Variants in TSPAN9 observed in about 807,000 individuals in gnomAD.
TSPAN9 encodes the protein tetraspanin-9.
TSPAN9 carries 16 observed loss-of-function variants against 31.0 expected under a neutral mutation model. The ratio of observed to expected loss-of-function variants is 0.52; its 90% CI spans 0.35 to 0.78. TSPAN9 has a LOEUF of 0.78. Ranked by LOEUF, TSPAN9 falls within the 30% of genes least tolerant of loss-of-function variation. TSPAN9 has a pLI of 0.01. For missense variants in TSPAN9, 272 were observed against 312.5 expected (o/e 0.87, Z 0.98); for synonymous variants, 145 against 121.6 (o/e 1.19, Z -1.27).
At chr12:3,199,372 C>T (rs1280835173) in intron 2 of TSPAN9, among the ~76,000 whole-genome samples, 1 of 152,094 alleles carries the variant, frequency 6.6e-6, no homozygotes, top group Admixed American at 6.6e-5. Flanking sequence ...TCCCCACCCG[C>T]AAGTCTTCTA....
Position 3,192,439 on chromosome 12 carries a change from GC to G in TSPAN9, c.-17-8737del, listed in dbSNP as rs1344704841. ...ATGCCAGGTGCAGGGAGGCTCTGCG[GC>G]TTGGACTTGTGTTTGCTTCGAGGTG... is the stretch of plus-strand genomic sequence containing the variant. On this transcript the variant is annotated intron_variant, in intron 2 of 8. Coordinates refer to ENST00000011898, the MANE Select transcript of TSPAN9 (RefSeq NM_006675.5). The surrounding 1 kb of genome is among the most constrained non-coding windows in gnomAD (Gnocchi z 4.6). Among the ~76,000 whole-genome samples, 5 of 152,176 alleles carry G rather than the reference GC, an allele frequency of 3.3e-5. No individual in the cohort carries two copies. Among genetic ancestry groups the G allele is most frequent in the Non-Finnish European group, 5.9e-5 (4 of 68,036 alleles).
At chr12:3,179,287 C>T (rs142209694) in intron 2 of TSPAN9, among the ~76,000 whole-genome samples, 6 of 152,324 alleles carry the variant, frequency 3.9e-5, no homozygotes, top group African/African-American at 1.4e-4. Context: ...ACTCACCCCA[C>T]TCTGACTCCA....
intron 2 of TSPAN9, among the ~76,000 whole-genome samples, chr12:3,175,683 G>T (rs779409534): frequency 2.6e-5 from 4 of 152,210 alleles, no homozygotes; most frequent in Non-Finnish European, 4.4e-5. Flanking sequence ...TTTCGCTGTT[G>T]CAGTAAGTAC....
intron 3 of TSPAN9, among the ~76,000 whole-genome samples, chr12:3,242,232 G>T (rs955022306): frequency 3.3e-5 from 5 of 152,256 alleles, no homozygotes; most frequent in Non-Finnish European, 7.3e-5. Context: ...CATGAGCTGG[G>T]TTGGGATGGG....
intron 3 of TSPAN9, among the ~76,000 whole-genome samples, chr12:3,250,717 G>T (rs1168226377): frequency 6.6e-6 from 1 of 152,250 alleles, no homozygotes; most frequent in Non-Finnish European, 1.5e-5. Flanking sequence ...GGCTGGCTCA[G>T]GGTGCAGTGT....
chr12:3,138,514 A>T (rs1303430479), intron 2 of TSPAN9, among the ~76,000 whole-genome samples: 1 of 151,248 alleles, frequency 6.6e-6, no homozygotes, highest in East Asian at 2.0e-4. Flanking sequence ...CCCAGGCAGG[A>T]GTGCAGTGGG....
intron 2 of TSPAN9, among the ~76,000 whole-genome samples, chr12:3,142,716 C>T (rs1256082639): frequency 1.3e-5 from 2 of 152,180 alleles, no homozygotes; most frequent in Middle Eastern, 3.2e-3. Context: ...TCCCTGTGTG[C>T]GTGCTGCACC....
At chr12:3,227,140 T>C (rs57186222) in intron 3 of TSPAN9, among the ~76,000 whole-genome samples, 1 of 152,120 alleles carries the variant, frequency 6.6e-6, no homozygotes, top group East Asian at 1.9e-4. Flanking sequence ...CTCTGTATGC[T>C]GGCAGTAAAC....
intron 3 of TSPAN9, among the ~76,000 whole-genome samples, chr12:3,261,063 C>T (rs1306098745): frequency 3.3e-5 from 5 of 152,082 alleles, no homozygotes; most frequent in East Asian, 1.9e-4. Context: ...GTGACCAACC[C>T]GAACTCCTAC....
At chr12:3,110,530 C>T (rs1161729021) in intron 2 of TSPAN9, among the ~76,000 whole-genome samples, 1 of 152,136 alleles carries the variant, frequency 6.6e-6, no homozygotes, top group East Asian at 1.9e-4. Context: ...TTGTTTTTAA[C>T]AGTCCAATGG....
intron 2 of TSPAN9, among the ~76,000 whole-genome samples, chr12:3,130,596 G>A (rs1295796423): frequency 6.6e-6 from 1 of 152,164 alleles, no homozygotes; most frequent in Non-Finnish European, 1.5e-5. Flanking sequence ...GGCAGAGTGG[G>A]CCCTTCCTAA....
At chr12:3,154,776 A>C (rs1052078427) in intron 2 of TSPAN9, among the ~76,000 whole-genome samples, 3 of 152,122 alleles carry the variant, frequency 2.0e-5, no homozygotes, top group African/African-American at 7.2e-5. Flanking sequence ...GAGCATCTGC[A>C]CTCCAGGCCT....
At chr12:3,190,558 G>C (rs2098363825) in intron 2 of TSPAN9, among the ~76,000 whole-genome samples, 1 of 152,242 alleles carries the variant, frequency 6.6e-6, no homozygotes, top group Non-Finnish European at 1.5e-5. Flanking sequence ...TTGGCCTTAG[G>C]ATGAAAGATG....
At chr12:3,249,046 TTCCCTGATCTCCCTG>T (rs1862195898) in intron 3 of TSPAN9, among the ~76,000 whole-genome samples, 1 of 152,260 alleles carries the variant, frequency 6.6e-6, no homozygotes, top group African/African-American at 2.4e-5. Flanking sequence ...CACTCGGTTG[TTCCCTGATCTCCCTG>T]TCCCTAGTTC....
intron 3 of TSPAN9, among the ~76,000 whole-genome samples, chr12:3,245,429 C>G (rs1355517369): frequency 6.6e-6 from 1 of 152,166 alleles, no homozygotes; most frequent in Admixed American, 6.5e-5. Flanking sequence ...TTTTCTCAGC[C>G]CCCTTTTGTG....
chr12:3,214,026 A>G (rs1278057493), intron 3 of TSPAN9, among the ~76,000 whole-genome samples: 5 of 152,152 alleles, frequency 3.3e-5, no homozygotes, highest in African/African-American at 4.8e-5. Context: ...CAGGGAGTTG[A>G]TCCCAGAGAC....
intron 3 of TSPAN9, among the ~76,000 whole-genome samples, chr12:3,234,380 C>CT (rs1338302443): frequency 6.6e-6 from 1 of 152,202 alleles, no homozygotes; most frequent in Non-Finnish European, 1.5e-5. Context: ...AGACTATGGC[C>CT]TTGAGGGCAG....
chr12:3,150,011 C>T (rs1215508319), intron 2 of TSPAN9: 1 of 152,304 alleles, frequency 6.6e-6, no homozygotes, highest in Non-Finnish European at 1.5e-5. Context: ...CATGGCGTGC[C>T]AGACACAGCT....
intron 2 of TSPAN9, among the ~76,000 whole-genome samples, chr12:3,125,326 C>T (rs2098326859): frequency 6.6e-6 from 1 of 151,972 alleles, no homozygotes. Context: ...GCTGCGTGCT[C>T]AGCACAGCAC....
Sources: allele counts gnomAD v4.1 joint callset (sites outside exome capture counted in the v4.1 genomes callset), GRCh38; gene constraint gnomAD v4.1.1; non-coding constraint Gnocchi (gnomAD v3.1); transcripts MANE v1.5; gene names NCBI Gene and HGNC (gene_info 2026-07-23, HGNC 2026-07-21).